LIX1: variants seen among roughly 807,000 people sequenced by gnomAD.
LIX1 encodes the protein limb and CNS expressed 1.
Under a neutral mutation model 33.4 loss-of-function variants are expected in LIX1, and 24 were observed. The ratio of observed to expected loss-of-function variants is 0.72; its 90% confidence interval spans 0.52 to 1.01. The LOEUF is 1.01. LIX1 is among the 50% of genes least tolerant of loss of function. The pLI is 0.00. For missense variants in LIX1, 311 were observed against 339.2 expected (o/e 0.92, Z 0.65); for synonymous variants, 124 against 124.0 (o/e 1.00, Z 0.00).
chr5:97,113,603 CATGCACCTTAAGATGTGAACAAAACAAG>C (rs1327436382), intron 2 of LIX1, among the ~76,000 whole-genome samples: 1 of 152,134 alleles, frequency 6.6e-6, no homozygotes, highest in Non-Finnish European at 1.5e-5. Context: ...ATCCCAAGGT[CATGCACCTTAAGATGTGAACAAAACAAG>C]ATTTGTTTTG....
chr5:97,101,264 A>G (rs1299325154), intron 4 of LIX1, among the ~76,000 whole-genome samples: 1 of 152,192 alleles, frequency 6.6e-6, no homozygotes, highest in African/African-American at 2.4e-5. Context: ...GAAGTTTTTA[A>G]GCATCCCTTT....
intron 4 of LIX1, 58 bp downstream of exon 4, chr5:97,105,132 T>A: frequency 6.9e-7 from 1 of 1,457,014 alleles, no homozygotes; most frequent in Non-Finnish European, 9.6e-7. Flanking sequence ...AAATGTTGCA[T>A]TTCTCTTAGG....
At chr5:97,134,665 A>G (rs1273121425) in intron 1 of LIX1, among the ~76,000 whole-genome samples, 1 of 152,248 alleles carries the variant, frequency 6.6e-6, no homozygotes, top group East Asian at 1.9e-4. Flanking sequence ...ACGCTGATTT[A>G]CATTCATGAA....
chr5:97,096,938 GT>G, intron 4 of LIX1, 51 bp from the exon 5 acceptor site: 1 of 1,344,840 alleles, frequency 7.4e-7, no homozygotes, highest in Non-Finnish European at 1.1e-6. Flanking sequence ...ATGTGCATTG[GT>G]GAGAGCTGAG....
In LIX1 at chr5:97,092,231, G is replaced by T. The variant is rs1746108751; in HGVS notation, c.*2517C>A. 6.6e-6 allele frequency: 1 copy of T among 152,322 alleles called. No homozygotes were observed. Among genetic ancestry groups the T allele is most frequent in the South Asian group, 2.1e-4 (1 of 4,838 alleles). The allele number at this position is 152,322 out of a possible 1,614,324, so 9.4% of individuals were successfully genotyped here. A position where few individuals can be genotyped will look rare whatever the true frequency, so the allele number is the denominator to read the frequency against. ...GGAACTGTGTAATGTGAATATGTATGTTTTGTTCTATTTTCCTAGGAGATG... is the reference window on the plus strand; with the variant it reads ...GGAACTGTGTAATGTGAATATGTATTTTTTGTTCTATTTTCCTAGGAGATG... On this transcript the variant is annotated 3_prime_UTR_variant, in exon 6 of 6. Transcript: ENST00000274382.
At position 97,105,242 on chromosome 5, in the gene LIX1, G is replaced by GC. The variant is rs775447542; in HGVS notation, c.430dup (p.Ala144GlyfsTer38). The GC allele has an allele frequency of 6.2e-7, 1 of 1,614,134 alleles. No homozygotes were observed. On this transcript the variant is annotated frameshift_variant, in exon 4 of 6. Coordinates refer to ENST00000274382, the MANE Select transcript of LIX1 (RefSeq NM_153234.5). LOFTEE classifies it high-confidence loss of function. Reference sequence around the variant, plus strand: ...GTTTGACTCCAGCATGTAGTGATAGGCCCCAACACTGGTGCTGGGGTCATC... The same window carrying GC: ...GTTTGACTCCAGCATGTAGTGATAGGCCCCCAACACTGGTGCTGGGGTCATC...
At chr5:97,096,752 G>C (rs565975585) in intron 5 of LIX1, 58 bp downstream of exon 5, 5 of 1,198,506 alleles carry the variant, frequency 4.2e-6, no homozygotes, top group Non-Finnish European at 6.2e-6. Flanking sequence ...CTGGGAAGAT[G>C]ATAAGCCACC....
chr5:97,129,830 G>T (rs967737768), intron 1 of LIX1, among the ~76,000 whole-genome samples: 1 of 152,198 alleles, frequency 6.6e-6, no homozygotes, highest in Non-Finnish European at 1.5e-5. Context: ...TATAGAAGAT[G>T]GGCTGCATTT....
rs571565628 is a variant in LIX1, at chr5:97,129,525, A to G, written c.83-4896T>C. ...TTTCATCCTTACAGCACCCCCTTGA[A>G]ATAGGTATTATCATTCACATCCTAC... On this transcript the variant is annotated intron_variant, in intron 1 of 5. Transcript: ENST00000274382. 1.6e-4 allele frequency among the ~76,000 whole-genome samples: 25 copies of G among 152,290 alleles called. No individual in the cohort carries two copies. In the East Asian group the frequency reaches 3.5e-3, roughly 21 times the overall value.
chr5:97,126,637 C>CTT (rs1016872695), intron 1 of LIX1, among the ~76,000 whole-genome samples: 69 of 123,650 alleles, frequency 5.6e-4, no homozygotes, highest in East Asian at 1.2e-3. Context: ...TATTTTCTTT[C>CTT]TTTTTTTTTT....
At chr5:97,108,654 G>C (rs931685818) in intron 2 of LIX1, among the ~76,000 whole-genome samples, 1 of 152,064 alleles carries the variant, frequency 6.6e-6, no homozygotes, top group Admixed American at 6.6e-5. Context: ...TAGGATCTTG[G>C]ACTCCTAGGG....
intron 1 of LIX1, among the ~76,000 whole-genome samples, chr5:97,126,458 A>T (rs1271971903): frequency 3.9e-5 from 6 of 152,206 alleles, no homozygotes; most frequent in African/African-American, 1.4e-4. Context: ...ATGTATATTT[A>T]AAAACTGCAG....
At position 97,142,494 on chromosome 5, in the gene LIX1, C is replaced by T; in HGVS notation, c.82+1G>A. 1 of 1,610,238 alleles carries T rather than the reference C, an allele frequency of 6.2e-7. No individual in the cohort carries two copies. The highest frequency in any genetic ancestry group is 8.5e-7 in the Non-Finnish European group (1 of 1,176,454). On this transcript the variant is annotated splice_donor_variant, in intron 1 of 5. Coordinates refer to ENST00000274382, the MANE Select transcript of LIX1 (RefSeq NM_153234.5). LOFTEE classifies it high-confidence loss of function. Reference sequence around the variant, plus strand: ...AAAACTTTTCCCCCTTCAGTACTTACAGTCTTTGAAGACTAGAGCCGGATC... The same window carrying T: ...AAAACTTTTCCCCCTTCAGTACTTATAGTCTTTGAAGACTAGAGCCGGATC...
rs1412448012 is a variant in LIX1 at position 97,093,400 on chromosome 5, T to G, written c.*1348A>C. 1 of 152,312 alleles carries G rather than the reference T, an allele frequency of 6.6e-6. No individual in the cohort carries two copies. The highest frequency in any genetic ancestry group is 2.4e-5 in the African/African-American group (1 of 41,450). 9.4% of individuals were successfully genotyped at this position (152,312 alleles called of 1,614,324 possible). On this transcript the variant is annotated 3_prime_UTR_variant, in exon 6 of 6. Coordinates refer to ENST00000274382, the MANE Select transcript of LIX1 (RefSeq NM_153234.5). Reference sequence around the variant, plus strand: ...TACTGAATAAAATGCAGAATAATCATTTTCATGTTACAGATATGGAAAGAC... The same window carrying G: ...TACTGAATAAAATGCAGAATAATCAGTTTCATGTTACAGATATGGAAAGAC...
At chr5:97,097,162 G>A (rs951301791) in intron 4 of LIX1, among the ~76,000 whole-genome samples, 6 of 151,364 alleles carry the variant, frequency 4.0e-5, no homozygotes, top group African/African-American at 1.5e-4. Flanking sequence ...ATAATACACT[G>A]AAGAGTTCTA....
intron 4 of LIX1, chr5:97,103,132 G>GA (rs35483915): frequency 3.0e-5 from 13 of 436,400 alleles, no homozygotes; most frequent in Middle Eastern, 3.4e-4. Context: ...TCTTTCTCTT[G>GA]AAAAAATACC....
In LIX1 at chr5:97,113,447, C is replaced by G. The variant is rs563174642; in HGVS notation, c.247-5947G>C. On this transcript the variant is annotated intron_variant, in intron 2 of 5. Coordinates refer to ENST00000274382, the MANE Select transcript of LIX1 (RefSeq NM_153234.5). ...AATTAAGAAGTCTCAATGAAATAAT[C>G]CACATTGCTGGCACTATGTGCTTGG... is the stretch of plus-strand genomic sequence containing the variant. Among the ~76,000 whole-genome samples the G allele has an allele frequency of 2.6e-5, 4 of 152,316 alleles. No individual in the cohort carries two copies. The East Asian group carries it at 5.8e-4, about 22-fold the overall frequency.
At position 97,142,537 on chromosome 5, in the gene LIX1, G is replaced by A; in HGVS notation, c.40C>T (p.Gln14Ter). Residue 14 changes from glutamine to a stop codon, truncating the protein, a stop_gained, in exon 1 of 6, where the codon CAA (glutamine) becomes TAA (stop). Coordinates refer to ENST00000274382, the MANE Select transcript of LIX1 (RefSeq NM_153234.5). LOFTEE classifies it high-confidence loss of function. ...GCCGGATCTCTGTGAGGCAAGACTT[G>A]GGCAATGATGTGTCTCAGAGATTCC... is the stretch of plus-strand genomic sequence containing the variant. Reference protein sequence around the residue: ...TLESLRHIIAQVLPHRDPALV... With the variant: ...TLESLRHIIA 1 of 1,614,014 alleles carries A rather than the reference G, an allele frequency of 6.2e-7. No homozygotes were observed. Among genetic ancestry groups the A allele is most frequent in the Non-Finnish European group, 8.5e-7 (1 of 1,179,914 alleles).
At chr5:97,130,914 T>A (rs1041728808) in intron 1 of LIX1, among the ~76,000 whole-genome samples, 5 of 152,206 alleles carry the variant, frequency 3.3e-5, no homozygotes, top group Non-Finnish European at 7.4e-5. Context: ...ATTTTGTGCT[T>A]CAATAGCAAG....
Sources: gnomAD v4.1 joint callset for allele counts (sites outside exome capture counted in the v4.1 genomes callset) on GRCh38, gnomAD v4.1.1 for gene constraint, MANE v1.5 for transcripts, NCBI Gene and HGNC (gene_info 2026-07-23, HGNC 2026-07-21) for gene names.